SMARCA2: variants seen among roughly 807,000 people sequenced by gnomAD.
SMARCA2 encodes SWI/SNF-related matrix-associated actin-dependent regulator of chromatin subfamily A member 2.
Under a neutral mutation model 199.8 loss-of-function variants are expected in SMARCA2, and 61 were observed. The ratio of observed to expected loss-of-function variants is 0.31; its 90% CI spans 0.25 to 0.38. SMARCA2 has a LOEUF of 0.38. SMARCA2 is among the 10% of genes least tolerant of loss of function. The pLI is 1.00. For missense variants in SMARCA2, 1,344 were observed against 2,012.2 expected, an observed-to-expected ratio of 0.67 and a Z score of 6.35; for synonymous variants, 935 against 732.0, an observed-to-expected ratio of 1.28 and a Z score of -4.48.
chr9:2,160,173 G>A, intron 27 of SMARCA2: 1 of 425,220 alleles, frequency 2.4e-6, no homozygotes, highest in Non-Finnish European at 4.2e-6. Flanking sequence ...TGGGTGTCCT[G>A]CTTTTAGGCA....
At chr9:2,046,794 T>G (rs1819865373) in intron 4 of SMARCA2, among the ~76,000 whole-genome samples, 1 of 152,180 alleles carries the variant, frequency 6.6e-6, no homozygotes, top group South Asian at 2.1e-4. Context: ...GGTGACTCCC[T>G]TTCTTTTCTG....
chr9:2,191,305 A>G lies in SMARCA2; in HGVS notation c.4634A>G (p.Asp1545Gly). Reference protein sequence around the residue: ...VKVKIKLNKKDDKGRDKGKGK... With the variant: ...VKVKIKLNKKGDKGRDKGKGK... ...GTGAAAATTAAGCTCAATAAAAAAGATGACAAAGGCCGGGACAAAGGGAAA... is the reference window on the plus strand; with the variant it reads ...GTGAAAATTAAGCTCAATAAAAAAGGTGACAAAGGCCGGGACAAAGGGAAA... Residue 1545 changes from aspartate to glycine, a missense_variant, in exon 33 of 34, where the codon GAT (aspartate) becomes GGT (glycine). This residue lies in a region of SMARCA2 where 155 missense variants were observed against 121.1 expected (regional missense o/e 1.28). Transcript: ENST00000349721. The G allele has an allele frequency of 6.2e-7, 1 of 1,614,236 alleles. No individual in the cohort carries two copies. Among genetic ancestry groups the G allele is most frequent in the African/African-American group, 1.3e-5 (1 of 75,054 alleles).
At chr9:2,143,023 T>C (rs1824541881) in intron 27 of SMARCA2, among the ~76,000 whole-genome samples, 1 of 152,158 alleles carries the variant, frequency 6.6e-6, no homozygotes, top group African/African-American at 2.4e-5. Flanking sequence ...GATTCGGACA[T>C]ATTTTAAAAC....
chr9:2,101,829 A>G (rs1234203538), intron 22 of SMARCA2, among the ~76,000 whole-genome samples: 1 of 152,236 alleles, frequency 6.6e-6, no homozygotes, highest in African/African-American at 2.4e-5. Flanking sequence ...TTCAAAGGAC[A>G]TAGATCTTAT....
intron 20 of SMARCA2, 68 bp downstream of exon 20, chr9:2,096,832 AT>A: frequency 1.1e-6 from 1 of 936,146 alleles, no homozygotes; most frequent in Middle Eastern, 2.1e-4. Context: ...GACATTGAAT[AT>A]TCACAGGAAG....
Position 2,142,619 on chromosome 9 carries a change from C to T in SMARCA2, c.3981+18682C>T, listed in dbSNP as rs985719733. On this transcript the variant is annotated intron_variant, in intron 27 of 33. Transcript: ENST00000349721. ...TTATTTAATAGCCTGTAGAGTTGAA[C>T]GTCTTCAAGCCGTTTAACTCTCAAA... Among the ~76,000 whole-genome samples the T allele has an allele frequency of 5.9e-5, 9 of 152,238 alleles. No homozygotes were observed. In the East Asian group the frequency reaches 1.3e-3, roughly 23 times the overall value.
At chr9:2,138,980 A>T (rs1485720395) in intron 27 of SMARCA2, among the ~76,000 whole-genome samples, 6 of 152,178 alleles carry the variant, frequency 3.9e-5, no homozygotes, top group Admixed American at 1.3e-4. Context: ...TCCCTAGCAT[A>T]TCTGTAGCTT....
At chr9:2,153,610 T>C (rs190490956) in intron 27 of SMARCA2, among the ~76,000 whole-genome samples, 5 of 152,216 alleles carry the variant, frequency 3.3e-5, no homozygotes, top group Non-Finnish European at 7.3e-5. Flanking sequence ...TAATGCTCAA[T>C]GTTTTTAATA....
chr9:2,041,996 T>C (rs185218903), intron 4 of SMARCA2: 3 of 152,308 alleles, frequency 2.0e-5, no homozygotes, highest in Admixed American at 2.0e-4. Flanking sequence ...TAAGATCTCA[T>C]GTTCTTAACC....
intron 27 of SMARCA2, among the ~76,000 whole-genome samples, chr9:2,133,102 AC>A (rs1415872028): frequency 2.5e-4 from 38 of 152,290 alleles, no homozygotes; most frequent in African/African-American, 8.7e-4. Flanking sequence ...AATCAAACTC[AC>A]TCATCGAAAG....
chr9:2,071,026 G>T (rs1318001316), intron 10 of SMARCA2, among the ~76,000 whole-genome samples: 1 of 152,104 alleles, frequency 6.6e-6, no homozygotes. Flanking sequence ...TAATTTATTG[G>T]ATTTTTTTCT....
Position 2,039,923 on chromosome 9 carries a change from G to T in SMARCA2, c.790+23G>T. The T allele has an allele frequency of 1.9e-6, 3 of 1,610,452 alleles. No individual in the cohort carries two copies. Among genetic ancestry groups the T allele is most frequent in the Non-Finnish European group, 2.5e-6 (3 of 1,178,308 alleles). ...CTGGTAGGTTAATACGCAACCAAAT[G>T]AATAATGCCATGGTCCAACTCGGAT... On this transcript the variant is annotated intron_variant, in intron 4 of 33. Coordinates refer to ENST00000349721, the MANE Select transcript of SMARCA2 (RefSeq NM_003070.5). This position sits in a 1 kb window ranked among gnomAD's most constrained non-coding sequence, Gnocchi z 4.8.
intron 24 of SMARCA2, among the ~76,000 whole-genome samples, chr9:2,112,329 G>A (rs186089467): frequency 6.6e-6 from 1 of 152,210 alleles, no homozygotes; most frequent in African/African-American, 2.4e-5. Context: ...TGTCTTCGGA[G>A]GTAAGCATTT....
At chr9:2,182,087 G>T in intron 30 of SMARCA2, 54 bp from the exon 31 acceptor site, 1 of 1,129,554 alleles carries the variant, frequency 8.9e-7, no homozygotes, top group Non-Finnish European at 1.4e-6. Context: ...AGTAATGATC[G>T]CTGAATTTTC....
At chr9:2,076,409 A>C in intron 13 of SMARCA2, 80 bp downstream of exon 13, 2 of 914,162 alleles carry the variant, frequency 2.2e-6, no homozygotes, top group Non-Finnish European at 3.6e-6. Context: ...AATTTTGTTC[A>C]AGGAAGGCAA....
intron 27 of SMARCA2, among the ~76,000 whole-genome samples, chr9:2,142,989 T>G (rs1824539768): frequency 6.6e-6 from 1 of 152,172 alleles, no homozygotes; most frequent in Admixed American, 6.5e-5. Context: ...TTTAAGTTCT[T>G]AAACAGATTT....
chr9:2,064,849 G>A (rs2130381619), intron 9 of SMARCA2, among the ~76,000 whole-genome samples: 1 of 152,312 alleles, frequency 6.6e-6, no homozygotes, highest in South Asian at 2.1e-4. Flanking sequence ...TTAAGCTGTG[G>A]TTAGGAGCCC....
At chr9:2,151,343 A>T (rs1825065661) in intron 27 of SMARCA2, among the ~76,000 whole-genome samples, 1 of 151,662 alleles carries the variant, frequency 6.6e-6, no homozygotes, top group South Asian at 2.1e-4. Flanking sequence ...AGGTAGTAGT[A>T]ATGAAGGAAG....
intron 27 of SMARCA2, among the ~76,000 whole-genome samples, chr9:2,129,762 A>G (rs1823857437): frequency 6.6e-6 from 1 of 152,170 alleles, no homozygotes; most frequent in African/African-American, 2.4e-5. Flanking sequence ...GGCCTATCAC[A>G]CATGACACTT....
Sources: allele counts gnomAD v4.1 joint callset (sites outside exome capture counted in the v4.1 genomes callset), GRCh38; gene constraint gnomAD v4.1.1; regional missense constraint gnomAD v4.1.1; non-coding constraint Gnocchi (gnomAD v3.1); transcripts MANE v1.5; gene names NCBI Gene and HGNC (gene_info 2026-07-23, HGNC 2026-07-21).